USP54: variants seen among roughly 807,000 people sequenced by gnomAD.
The protein encoded by USP54 is ubiquitin carboxyl-terminal hydrolase 54.
USP54 carries 87 observed loss-of-function variants against 170.5 expected under a neutral mutation model. The ratio of observed to expected loss-of-function variants is 0.51; its 90% CI spans 0.43 to 0.61. The LOEUF is 0.61. Among genes scored for constraint, USP54 ranks in the 20% least tolerant of loss-of-function variants. The pLI is 0.00. For missense variants in USP54, 1,786 were observed against 2,047.8 expected (o/e 0.87, Z 2.47); for synonymous variants, 655 against 742.8 (o/e 0.88, Z 1.92).
At chr10:73,555,736 C>T (rs7094792) in intron 4 of USP54, among the ~76,000 whole-genome samples, 6,797 of 152,088 alleles carry the variant, frequency 0.045, 462 homozygotes, top group African/African-American at 0.15. Flanking sequence ...AACCACTTAC[C>T]CCACAGGAAA....
At chr10:73,590,766 T>C (rs2078152835) in intron 1 of USP54, among the ~76,000 whole-genome samples, 1 of 152,156 alleles carries the variant, frequency 6.6e-6, no homozygotes, top group Non-Finnish European at 1.5e-5. Context: ...ATTGCCAAAA[T>C]CTTAGTGGAT....
chr10:73,541,812 C>T (rs1404501188), intron 7 of USP54, 74 bp from the exon 8 acceptor site: 5 of 1,441,428 alleles, frequency 3.5e-6, no homozygotes, highest in Admixed American at 3.7e-5. Context: ...AATGTACATT[C>T]CTAACTCACA....
chr10:73,611,792 T>C (rs2132314051), intron 1 of USP54, among the ~76,000 whole-genome samples: 1 of 148,236 alleles, frequency 6.7e-6, no homozygotes. Context: ...CGGGACTCCA[T>C]CTCAAAAAAA....
At chr10:73,542,580 C>T (rs1008221841) in intron 7 of USP54, among the ~76,000 whole-genome samples, 1 of 152,054 alleles carries the variant, frequency 6.6e-6, no homozygotes, top group African/African-American at 2.4e-5. Flanking sequence ...AAAAAATTAG[C>T]GCAGTGTGTA....
intron 4 of USP54, among the ~76,000 whole-genome samples, chr10:73,554,135 T>C (rs886662345): frequency 1.3e-5 from 2 of 152,230 alleles, no homozygotes; most frequent in Admixed American, 6.5e-5. Flanking sequence ...CCCAGTCTTA[T>C]ATCTAAAAGA....
chr10:73,522,882 G>A (rs1439054629), intron 17 of USP54, among the ~76,000 whole-genome samples: 1 of 152,106 alleles, frequency 6.6e-6, no homozygotes, highest in South Asian at 2.1e-4. Context: ...CCTTCATACT[G>A]CTTTAGCACA....
chr10:73,610,992 A>G (rs1370799574), intron 1 of USP54, among the ~76,000 whole-genome samples: 2 of 152,222 alleles, frequency 1.3e-5, no homozygotes, highest in Non-Finnish European at 2.9e-5. Context: ...CTTTTCCTTA[A>G]AAGTCACTTA....
intron 4 of USP54, among the ~76,000 whole-genome samples, chr10:73,556,784 T>C (rs1398770511): frequency 6.6e-6 from 1 of 152,062 alleles, no homozygotes; most frequent in African/African-American, 2.4e-5. Flanking sequence ...GGACTACGAG[T>C]AAAACACATA....
intron 1 of USP54, among the ~76,000 whole-genome samples, chr10:73,622,555 C>T (rs2081177990): frequency 6.6e-6 from 1 of 152,040 alleles, no homozygotes; most frequent in Non-Finnish European, 1.5e-5. Context: ...AACTCCTGAC[C>T]TCAACTGATC....
chr10:73,610,109 C>T (rs1457102401), intron 1 of USP54, among the ~76,000 whole-genome samples: 1 of 151,870 alleles, frequency 6.6e-6, no homozygotes, highest in Non-Finnish European at 1.5e-5. Context: ...ACCTGGGAGG[C>T]GGAGGCTGCA....
intron 9 of USP54, 70 bp downstream of exon 9, chr10:73,541,305 T>C (rs2066551477): frequency 1.3e-6 from 2 of 1,595,416 alleles, no homozygotes; most frequent in Non-Finnish European, 1.7e-6. Context: ...GTTTGTCTAG[T>C]GCTCACTGCT....
intron 4 of USP54, among the ~76,000 whole-genome samples, chr10:73,561,104 C>CAAAAAAAAA (rs919887025): frequency 3.3e-4 from 10 of 30,472 alleles, no homozygotes; most frequent in East Asian, 8.8e-4. Context: ...GACTCCATCT[C>CAAAAAAAAA]AAAAAAAAAA....
intron 1 of USP54, among the ~76,000 whole-genome samples, chr10:73,590,274 A>G (rs2078085662): frequency 6.6e-6 from 1 of 152,224 alleles, no homozygotes; most frequent in Non-Finnish European, 1.5e-5. Context: ...AGGACCCAGC[A>G]CTTACCTCAT....
At chr10:73,521,078 CTG>C (rs2089740865) in intron 17 of USP54, 51 bp from the exon 18 acceptor site, 3 of 1,607,584 alleles carry the variant, frequency 1.9e-6, no homozygotes, top group Non-Finnish European at 2.5e-6. Context: ...CCAAATTTTC[CTG>C]TGTACTGTTG....
At chr10:73,548,601 C>G (rs1041376021) in intron 4 of USP54, among the ~76,000 whole-genome samples, 34 of 151,996 alleles carry the variant, frequency 2.2e-4, no homozygotes, top group African/African-American at 7.7e-4. Flanking sequence ...AAGCTGGAAG[C>G]CATCATTCTC....
At chr10:73,542,978 C>A (rs1197118710) in intron 6 of USP54, 40 bp downstream of exon 6, 1 of 1,609,612 alleles carries the variant, frequency 6.2e-7, no homozygotes, top group Non-Finnish European at 8.5e-7. Context: ...ATAAAGTGTT[C>A]TGGAAGAAAT....
At chr10:73,582,955 T>C (rs1370456871) in intron 1 of USP54, among the ~76,000 whole-genome samples, 2 of 152,222 alleles carry the variant, frequency 1.3e-5, no homozygotes, top group African/African-American at 4.8e-5. Flanking sequence ...ATTGACATCA[T>C]GAATGCCATG....
In USP54 at chr10:73,529,795, C is replaced by G. The variant is rs748593757; in HGVS notation, c.1945G>C (p.Glu649Gln). ...CGCTGGATTAGTCGGGGGTGCTGCTCTAAAAGGTGAGAGCCTGGCCGTGCT... is the reference window on the plus strand; with the variant it reads ...CGCTGGATTAGTCGGGGGTGCTGCTGTAAAAGGTGAGAGCCTGGCCGTGCT... Reference protein sequence around the residue: ...GPARPGSHLLEQHPRLIQRME... With the variant: ...GPARPGSHLLQQHPRLIQRME... The change falls in exon 15 of 24, where the codon GAG becomes CAG. Residue 649 changes from glutamate to glutamine, a missense_variant. Coordinates refer to ENST00000687698, the MANE Select transcript of USP54 (RefSeq NM_001391956.1). The G allele has an allele frequency of 6.2e-7, 1 of 1,613,626 alleles. No homozygotes were observed.
At chr10:73,620,349 C>A (rs1301602873) in intron 1 of USP54, among the ~76,000 whole-genome samples, 2 of 149,548 alleles carry the variant, frequency 1.3e-5, no homozygotes, top group Middle Eastern at 3.2e-3. Context: ...AGAAAGTTCT[C>A]TAGGCTTTAG....
Sources: gnomAD v4.1 joint callset for allele counts (sites outside exome capture counted in the v4.1 genomes callset) on GRCh38, gnomAD v4.1.1 for gene constraint, MANE v1.5 for transcripts, NCBI Gene and HGNC (gene_info 2026-07-23, HGNC 2026-07-21) for gene names.